The following PDS5A variants were observed in gnomAD, a reference collection of about 807,000 sequenced individuals.
PDS5A encodes sister chromatid cohesion protein PDS5 homolog A.
Under a neutral mutation model 167.1 loss-of-function variants are expected in PDS5A, and 42 were observed. The ratio of observed to expected loss-of-function variants is 0.25; its 90% confidence interval spans 0.20 to 0.33. The LOEUF is 0.33. PDS5A is among the 10% of genes least tolerant of loss of function. PDS5A has a pLI of 1.00. For missense variants in PDS5A, 1,033 were observed against 1,605.9 expected (o/e 0.64, Z 6.10); for synonymous variants, 553 against 554.6 (o/e 1.00, Z 0.04).
chr4:39,970,492 A>T (rs534376633), intron 2 of PDS5A, among the ~76,000 whole-genome samples: 5 of 151,104 alleles, frequency 3.3e-5, no homozygotes, highest in Non-Finnish European at 7.4e-5. Flanking sequence ...GACCAAACTC[A>T]CTCTCATTCT....
chr4:39,959,942 A>C (rs895551816), intron 2 of PDS5A, among the ~76,000 whole-genome samples: 16 of 152,066 alleles, frequency 1.1e-4, no homozygotes, highest in African/African-American at 3.1e-4. Context: ...AAATACAAAA[A>C]TTAGGTGGGC....
At chr4:39,893,487 T>C (rs1322974421) in intron 16 of PDS5A, among the ~76,000 whole-genome samples, 1 of 152,160 alleles carries the variant, frequency 6.6e-6, no homozygotes, top group Non-Finnish European at 1.5e-5. Flanking sequence ...AGAAGTGAGA[T>C]ATGAAAATAA....
intron 20 of PDS5A, among the ~76,000 whole-genome samples, chr4:39,873,977 G>C (rs1056605558): frequency 6.6e-6 from 1 of 152,266 alleles, no homozygotes; most frequent in Middle Eastern, 3.4e-3. Flanking sequence ...CTAGGAATTC[G>C]GGGCTGCAGT....
chr4:39,950,563 T>A (rs182964274), intron 2 of PDS5A, among the ~76,000 whole-genome samples: 1 of 151,660 alleles, frequency 6.6e-6, no homozygotes, highest in African/African-American at 2.4e-5. Flanking sequence ...TGAAACCCCA[T>A]CTCTACTAAA....
intron 16 of PDS5A, 119 bp downstream of exon 16, chr4:39,898,270 A>G: frequency 7.4e-7 from 1 of 1,359,448 alleles, no homozygotes; most frequent in Non-Finnish European, 9.5e-7. Flanking sequence ...CTCCAAAGTA[A>G]TTCAGAGCTC....
At position 39,916,011 on chromosome 4, in the gene PDS5A, T is replaced by C. The variant is rs547188699; in HGVS notation, c.876+1037A>G. On this transcript the variant is annotated intron_variant, in intron 8 of 32. Coordinates refer to ENST00000303538, the MANE Select transcript of PDS5A (RefSeq NM_001100399.2). ...GTAATTTGAGGCCAAGGCAGGAGAA[T>C]TGCATTAGGCCAGGAATTTGAGACC... 8.5e-5 allele frequency among the ~76,000 whole-genome samples: 13 copies of C among 152,206 alleles called. No homozygotes were observed. The South Asian group carries it at 1.0e-3, about 12-fold the overall frequency.
chr4:39,825,825 T>TC (rs1715252545), intron 32 of PDS5A, among the ~76,000 whole-genome samples: 1 of 152,106 alleles, frequency 6.6e-6, no homozygotes, highest in African/African-American at 2.4e-5. Context: ...GGTCTTCAAC[T>TC]CCTGAGCTCA....
At chr4:39,896,692 G>T (rs552127188) in intron 16 of PDS5A, among the ~76,000 whole-genome samples, 7 of 151,784 alleles carry the variant, frequency 4.6e-5, no homozygotes. Context: ...CGTGAACCCA[G>T]GAGGCTGAGG....
At chr4:39,862,148 A>G (rs1161165618) in intron 26 of PDS5A, 71 bp downstream of exon 26, 3 of 530,332 alleles carry the variant, frequency 5.7e-6, no homozygotes, top group Non-Finnish European at 9.8e-6. Flanking sequence ...TAAAAATAAT[A>G]AACAAAAAAT....
At chr4:39,974,274 C>T in intron 2 of PDS5A, 1 of 543,660 alleles carries the variant, frequency 1.8e-6, no homozygotes, top group Non-Finnish European at 3.7e-6. Context: ...CCACTTAATA[C>T]TATGAGACCA....
At chr4:39,948,240 A>C (rs1257220041) in intron 2 of PDS5A, among the ~76,000 whole-genome samples, 1 of 151,258 alleles carries the variant, frequency 6.6e-6, no homozygotes, top group Non-Finnish European at 1.5e-5. Context: ...GAAAGAAAGA[A>C]AAAGAAAAGA....
chr4:39,972,980 T>C (rs1467899683), intron 2 of PDS5A: 1 of 389,430 alleles, frequency 2.6e-6, no homozygotes, highest in East Asian at 5.6e-5. Context: ...AGACCTGGCA[T>C]TTGCTCGGTA....
At chr4:39,930,215 CAAAAAAAAAAAAAAA>C (rs764983592) in intron 2 of PDS5A, among the ~76,000 whole-genome samples, 7,065 of 35,528 alleles carry the variant, frequency 0.2, 492 homozygotes, top group Middle Eastern at 0.34. Flanking sequence ...GACTCCATCT[CAAAAAAAAAAAAAAA>C]AAAAAAAAAA....
At chr4:39,890,400 T>C in intron 16 of PDS5A, 36 bp from the exon 17 acceptor site, 1 of 1,109,382 alleles carries the variant, frequency 9.0e-7, no homozygotes, top group Non-Finnish European at 1.3e-6. Flanking sequence ...AAAACGTGAT[T>C]TGCTTTCATA....
chr4:39,836,130 C>T (rs1716363000), intron 32 of PDS5A, among the ~76,000 whole-genome samples: 1 of 152,158 alleles, frequency 6.6e-6, no homozygotes, highest in South Asian at 2.1e-4. Context: ...ATTTACTGAT[C>T]CATTTAATTC....
At position 39,958,234 on chromosome 4, in the gene PDS5A, T is replaced by A. The variant is rs191343382; in HGVS notation, c.138+18206A>T. Among the ~76,000 whole-genome samples, 9 of 152,112 alleles carry A rather than the reference T, an allele frequency of 5.9e-5. No homozygotes were observed. In the East Asian group the frequency reaches 1.6e-3, roughly 26 times the overall value. On this transcript the variant is annotated intron_variant, in intron 2 of 32. Transcript: ENST00000303538. ...CAAAAACAACACATAAGGCCAGGCA[T>A]GGTGGTTCACACCTGTAATCCCAGC...
At chr4:39,973,226 C>G in intron 2 of PDS5A, 1 of 1,362,760 alleles carries the variant, frequency 7.3e-7, no homozygotes, top group Non-Finnish European at 1.1e-6. Flanking sequence ...AACCTTAGAA[C>G]AGAGTGACTC....
intron 32 of PDS5A, among the ~76,000 whole-genome samples, chr4:39,828,256 G>A (rs1002784499): frequency 5.3e-5 from 8 of 152,114 alleles, no homozygotes; most frequent in East Asian, 3.8e-4. Flanking sequence ...ACAAAAATCC[G>A]ATCTAAAAAT....
Position 39,881,112 on chromosome 4 carries a change from A to C in PDS5A, c.1887-1279T>G, listed in dbSNP as rs1720890327. Among the ~76,000 whole-genome samples the C allele has an allele frequency of 1.3e-5, 2 of 151,982 alleles. 1 individual carries two copies. The highest frequency in any genetic ancestry group is 4.8e-5 in the African/African-American group (2 of 41,356). The stretch of plus-strand genomic sequence containing the variant: ...AACATAATGTCCTCCAATGCCATTC[A>C]TATTGCTGCAAATGACAGCATTTCA... On this transcript the variant is annotated intron_variant, in intron 17 of 32. Transcript: ENST00000303538.
Sources: allele counts gnomAD v4.1 joint callset (sites outside exome capture counted in the v4.1 genomes callset), GRCh38; gene constraint gnomAD v4.1.1; transcripts MANE v1.5; gene names NCBI Gene and HGNC (gene_info 2026-07-23, HGNC 2026-07-21).